ABCB1: variants seen among roughly 807,000 people sequenced by gnomAD.
ABCB1 encodes ATP binding cassette subfamily B member 1.
ABCB1 carries 69 observed loss-of-function variants against 142.0 expected under a neutral mutation model. The ratio of observed to expected loss-of-function variants is 0.49; its 90% CI spans 0.40 to 0.59. ABCB1 has a LOEUF of 0.59. Among genes scored for constraint, ABCB1 ranks in the 20% least tolerant of loss-of-function variants. The pLI is 0.00. For missense variants in ABCB1, 1,326 were observed against 1,554.7 expected (o/e 0.85, Z 2.47); for synonymous variants, 532 against 539.2 (o/e 0.99, Z 0.18).
chr7:87,701,926 G>A (rs879290209), intron 1 of ABCB1, among the ~76,000 whole-genome samples: 24 of 151,872 alleles, frequency 1.6e-4, no homozygotes, highest in Non-Finnish European at 2.5e-4. Context: ...GGCGGATCAC[G>A]AGGTCAGGAG....
intron 23 of ABCB1, among the ~76,000 whole-genome samples, chr7:87,518,559 A>G (rs930468462): frequency 1.3e-5 from 2 of 152,184 alleles, no homozygotes; most frequent in African/African-American, 2.4e-5. Flanking sequence ...GAACAACTCA[A>G]TGTTTAAAAA....
intron 1 of ABCB1, among the ~76,000 whole-genome samples, chr7:87,641,963 T>C (rs1180162974): frequency 6.6e-6 from 1 of 152,078 alleles, no homozygotes; most frequent in Non-Finnish European, 1.5e-5. Context: ...ATTTAAAATT[T>C]TCATAAATCA....
chr7:87,561,023 T>C (rs1047273586), intron 8 of ABCB1, among the ~76,000 whole-genome samples: 3 of 152,218 alleles, frequency 2.0e-5, no homozygotes, highest in African/African-American at 7.2e-5. Context: ...CATTTCAGTC[T>C]TTGGAAACTA....
intron 1 of ABCB1, among the ~76,000 whole-genome samples, chr7:87,647,382 C>T (rs1823114387): frequency 6.6e-6 from 1 of 152,050 alleles, no homozygotes; most frequent in Non-Finnish European, 1.5e-5. Flanking sequence ...TTTCCAGAAG[C>T]TACATAATGT....
Position 87,595,368 on chromosome 7 carries a change from C to T in ABCB1, c.117+398G>A, listed in dbSNP as rs924572540. Among the ~76,000 whole-genome samples the T allele has an allele frequency of 2.0e-5, 3 of 151,988 alleles. No homozygotes were observed. The highest frequency in any genetic ancestry group is 7.2e-5 in the African/African-American group (3 of 41,388). ...ACTAACCTAAATGACCTAAAATTTGCATAGTAATAAATAATCCATTGCTAA... is the reference window on the plus strand; with the variant it reads ...ACTAACCTAAATGACCTAAAATTTGTATAGTAATAAATAATCCATTGCTAA... On this transcript the variant is annotated intron_variant, in intron 3 of 27. Transcript: ENST00000622132.
chr7:87,678,384 T>C (rs755514694), intron 1 of ABCB1, among the ~76,000 whole-genome samples: 2 of 152,202 alleles, frequency 1.3e-5, no homozygotes, highest in Non-Finnish European at 2.9e-5. Context: ...ATATATTTAG[T>C]TGAAATGCTA....
intron 8 of ABCB1, among the ~76,000 whole-genome samples, chr7:87,554,951 G>C (rs907754293): frequency 2.0e-5 from 3 of 152,186 alleles, no homozygotes; most frequent in Non-Finnish European, 2.9e-5. Context: ...AACAATGTTG[G>C]AGTCACTGAC....
chr7:87,539,238 A>G, intron 19 of ABCB1, 30 bp downstream of exon 19: 1 of 1,603,078 alleles, frequency 6.2e-7, no homozygotes, highest in Admixed American at 1.7e-5. Context: ...AGTTCTACAC[A>G]TCCCAGGGCA....
chr7:87,600,140 G>T lies in ABCB1; in HGVS notation c.45C>A (p.Asn15Lys). 1 of 1,613,998 alleles carries T rather than the reference G, an allele frequency of 6.2e-7. No homozygotes were observed. Among genetic ancestry groups the T allele is most frequent in the Non-Finnish European group, 8.5e-7 (1 of 1,179,912 alleles). The change falls in exon 2 of 28, where the codon AAC (asparagine) becomes AAA (lysine). Residue 15 changes from asparagine to lysine, a missense_variant. Physicochemically the swap from Asn to Lys is moderately conservative, Grantham distance 94. Coordinates refer to ENST00000622132, the MANE Select transcript of ABCB1 (RefSeq NM_001348946.2). ...ACCTTTTATTGTTCAGTTTAAAAAA[G>T]TTCTTCTTCTTTGCTCCTCCATTGC... ...GDRNGGAKKK[N>K]FFKLNNKSEK...
At chr7:87,545,789 T>G in intron 15 of ABCB1, 74 bp downstream of exon 15, 1 of 1,488,938 alleles carries the variant, frequency 6.7e-7, no homozygotes, top group Non-Finnish European at 9.2e-7. Context: ...TCAAATAATA[T>G]TTATTTTTAG....
At chr7:87,536,385 G>A (rs2235042) in intron 20 of ABCB1, 73 bp downstream of exon 20, 18 of 1,345,094 alleles carry the variant, frequency 1.3e-5, no homozygotes, top group Non-Finnish European at 1.9e-5. Context: ...ACACCCGTAA[G>A]GAGAAAATTA....
chr7:87,509,165 T>C, intron 26 of ABCB1, 110 bp downstream of exon 26: 1 of 1,088,954 alleles, frequency 9.2e-7, no homozygotes, highest in Non-Finnish European at 1.4e-6. Context: ...AGGGTGTGAT[T>C]TGGTTGCTAA....
At chr7:87,545,812 A>C in intron 15 of ABCB1, 51 bp downstream of exon 15, 1 of 1,571,498 alleles carries the variant, frequency 6.4e-7, no homozygotes, top group African/African-American at 1.4e-5. Context: ...TTAAATGCAA[A>C]ATCAGTTTAT....
Position 87,607,676 on chromosome 7 carries a change from C to T in ABCB1, c.-330-6598G>A, listed in dbSNP as rs570948521. Among the ~76,000 whole-genome samples the T allele has an allele frequency of 1.7e-4, 26 of 152,184 alleles. 1 individual carries two copies. In the South Asian group the frequency reaches 5.4e-3, roughly 32 times the overall value. On this transcript the variant is annotated intron_variant, in intron 1 of 28. Coordinates refer to the ABCB1 transcript ENST00000265724. ...AAAGGATCTCCCCACATCCTCCTCTCAAGTAGCTGGGACCAAAGGTGTGCG... is the reference window on the plus strand; with the variant it reads ...AAAGGATCTCCCCACATCCTCCTCTTAAGTAGCTGGGACCAAAGGTGTGCG...
chr7:87,584,472 C>A (rs1818646705), intron 4 of ABCB1, among the ~76,000 whole-genome samples: 1 of 152,078 alleles, frequency 6.6e-6, no homozygotes, highest in Admixed American at 6.6e-5. Flanking sequence ...CAGTTTAAAT[C>A]AATCTAGGCT....
chr7:87,626,559 CAT>C (rs201260076), intron 1 of ABCB1, among the ~76,000 whole-genome samples: 23 of 6,162 alleles, frequency 3.7e-3, no homozygotes, highest in South Asian at 9.3e-3. Flanking sequence ...ATATATGTGT[CAT>C]ATATATGTGT....
intron 1 of ABCB1, among the ~76,000 whole-genome samples, chr7:87,658,889 T>C (rs1305932883): frequency 6.6e-6 from 1 of 152,096 alleles, no homozygotes; most frequent in African/African-American, 2.4e-5. Context: ...AAGGAAATGA[T>C]AAAAGAAAGA....
chr7:87,666,683 G>A (rs1311903408), intron 1 of ABCB1, among the ~76,000 whole-genome samples: 1 of 152,038 alleles, frequency 6.6e-6, no homozygotes, highest in South Asian at 2.1e-4. Context: ...TAAGGAAGGG[G>A]TCCAGTTTCA....
intron 8 of ABCB1, 121 bp from the exon 9 acceptor site, chr7:87,554,053 T>C: frequency 1.1e-6 from 1 of 872,478 alleles, no homozygotes; most frequent in Non-Finnish European, 1.9e-6. Context: ...TTTGTCCTGC[T>C]GCTCATACAT....
Sources: allele counts gnomAD v4.1 joint callset (sites outside exome capture counted in the v4.1 genomes callset), GRCh38; gene constraint gnomAD v4.1.1; transcripts MANE v1.5; gene names NCBI Gene and HGNC (gene_info 2026-07-23, HGNC 2026-07-21).